Variants in COL25A1 observed in about 807,000 individuals in gnomAD.
The protein encoded by COL25A1 is collagen type XXV alpha 1 chain.
COL25A1 carries 103 observed loss-of-function variants against 128.4 expected under a neutral mutation model. That is an observed-to-expected ratio of 0.80 (90% CI 0.68 to 0.94). The LOEUF (loss-of-function observed/expected upper bound fraction) is 0.94. Ranked by LOEUF, COL25A1 falls within the 40% of genes least tolerant of loss-of-function variation. The probability of loss-of-function intolerance (pLI) is 0.00; values close to 1 mark genes in which losing one functional copy is unlikely to be tolerated. For missense variants in COL25A1, 745 were observed against 840.0 expected (o/e 0.89, Z 1.40); for synonymous variants, 279 against 277.2 (o/e 1.01, Z -0.06).
intron 3 of COL25A1, among the ~76,000 whole-genome samples, chr4:109,188,377 G>T (rs899555440): frequency 6.6e-6 from 1 of 152,134 alleles, no homozygotes; most frequent in South Asian, 2.1e-4. Flanking sequence ...ACTGAGAGTA[G>T]ACCCAGGAAG....
intron 8 of COL25A1, among the ~76,000 whole-genome samples, chr4:108,953,324 T>C (rs1749678608): frequency 6.6e-6 from 1 of 152,168 alleles, no homozygotes; most frequent in South Asian, 2.1e-4. Context: ...AATTTTGTAG[T>C]TTTCTCAGGG....
chr4:108,984,281 A>G (rs1040667774), intron 6 of COL25A1, among the ~76,000 whole-genome samples: 2 of 152,212 alleles, frequency 1.3e-5, no homozygotes, highest in African/African-American at 4.8e-5. Context: ...AGCTAGACAC[A>G]AAGGTTCTCC....
At chr4:109,229,758 A>G (rs1779042392) in intron 3 of COL25A1, among the ~76,000 whole-genome samples, 1 of 152,162 alleles carries the variant, frequency 6.6e-6, no homozygotes, top group South Asian at 2.1e-4. Context: ...AACCCTCTGC[A>G]CATGTCTGAC....
intron 13 of COL25A1, among the ~76,000 whole-genome samples, chr4:108,912,962 T>C (rs1578746149): frequency 6.6e-6 from 1 of 152,182 alleles, no homozygotes; most frequent in African/African-American, 2.4e-5. Flanking sequence ...GATGGATTCA[T>C]AGTTGACACA....
At chr4:108,855,198 T>TTG (rs1553951529) in intron 24 of COL25A1, among the ~76,000 whole-genome samples, 1 of 148,402 alleles carries the variant, frequency 6.7e-6, no homozygotes, top group Non-Finnish European at 1.5e-5. Context: ...ACTGTTTTTT[T>TTG]TTTTTATTTT....
At chr4:108,824,370 G>T in intron 34 of COL25A1, 143 bp from the exon 35 acceptor site, 1 of 618,870 alleles carries the variant, frequency 1.6e-6, no homozygotes, top group Middle Eastern at 2.9e-4. Context: ...AGATAATAAA[G>T]CAGTGCTTAG....
chr4:108,956,795 A>C (rs7680818), intron 8 of COL25A1, among the ~76,000 whole-genome samples: 6,582 of 152,282 alleles, frequency 0.043, 370 homozygotes, highest in African/African-American at 0.13. Flanking sequence ...CTACATCTAT[A>C]TCTCAAATCT....
intron 32 of COL25A1, 89 bp downstream of exon 32, chr4:108,832,291 T>G: frequency 2.2e-6 from 2 of 903,922 alleles, no homozygotes; most frequent in Non-Finnish European, 3.5e-6. Flanking sequence ...CCTTTATTTC[T>G]TCTGAAAAAT....
At chr4:109,224,078 T>C (rs1357052614) in intron 3 of COL25A1, among the ~76,000 whole-genome samples, 1 of 152,254 alleles carries the variant, frequency 6.6e-6, no homozygotes, top group Non-Finnish European at 1.5e-5. Flanking sequence ...TGTTTTTTAA[T>C]ATCCTCAATG....
At chr4:109,155,226 T>C (rs911777428) in intron 3 of COL25A1, among the ~76,000 whole-genome samples, 1 of 152,196 alleles carries the variant, frequency 6.6e-6, no homozygotes, top group African/African-American at 2.4e-5. Flanking sequence ...TTCCTCTCCT[T>C]CTTCTACAAG....
intron 3 of COL25A1, among the ~76,000 whole-genome samples, chr4:109,063,564 C>A (rs1373862975): frequency 6.6e-6 from 1 of 151,708 alleles, no homozygotes; most frequent in Non-Finnish European, 1.5e-5. Context: ...GGTACAGCCC[C>A]AGTGCAGTGG....
At chr4:109,241,566 G>T (rs1355835880) in intron 3 of COL25A1, among the ~76,000 whole-genome samples, 1 of 151,606 alleles carries the variant, frequency 6.6e-6, no homozygotes, top group East Asian at 1.9e-4. Flanking sequence ...CCACTTAATG[G>T]GGGAACTGTG....
At chr4:108,874,553 AT>A in intron 19 of COL25A1, among the ~76,000 whole-genome samples, 1 of 152,312 alleles carries the variant, frequency 6.6e-6, no homozygotes, top group African/African-American at 2.4e-5. Flanking sequence ...TAGAAATAAC[AT>A]GGGAACATAA....
At chr4:108,988,539 A>G (rs2126008972) in intron 6 of COL25A1, among the ~76,000 whole-genome samples, 1 of 152,310 alleles carries the variant, frequency 6.6e-6, no homozygotes, top group African/African-American at 2.4e-5. Context: ...TCTCCTGGAG[A>G]GGAAATGAAC....
intron 3 of COL25A1, among the ~76,000 whole-genome samples, chr4:109,106,734 C>A (rs1766469005): frequency 7.4e-6 from 1 of 135,728 alleles, no homozygotes; most frequent in Non-Finnish European, 1.5e-5. Flanking sequence ...GGACTATATG[C>A]ATGTGTAATT....
chr4:109,250,656 T>C (rs1208314331), intron 3 of COL25A1, among the ~76,000 whole-genome samples: 2 of 152,204 alleles, frequency 1.3e-5, no homozygotes, highest in African/African-American at 4.8e-5. Flanking sequence ...TTTTGTTCTA[T>C]TCAGGCCTTT....
At chr4:109,127,660 G>A (rs1768752414) in intron 3 of COL25A1, among the ~76,000 whole-genome samples, 1 of 151,868 alleles carries the variant, frequency 6.6e-6, no homozygotes, top group African/African-American at 2.4e-5. Context: ...TAGATTCCAC[G>A]TTAGTAAAGG....
chr4:109,288,962 T>TATATAC (rs1021982305), intron 3 of COL25A1, among the ~76,000 whole-genome samples: 262 of 133,602 alleles, frequency 2.0e-3, no homozygotes, highest in African/African-American at 6.8e-3. Flanking sequence ...AAATTATATA[T>TATATAC]ACACACACAC....
rs181883655 is a variant in COL25A1 at position 108,834,172 on chromosome 4, T to C, written c.1657-1739A>G. ...CAGTTTAGCTGTTCTCCGGACAGAG[T>C]TGCAACCGTCCTCTGTCCACCTTTC... On this transcript the variant is annotated intron_variant, in intron 31 of 37. Coordinates refer to ENST00000399132, the MANE Select transcript of COL25A1 (RefSeq NM_198721.4). 7.3e-4 allele frequency among the ~76,000 whole-genome samples: 111 copies of C among 152,210 alleles called. 3 individuals are homozygous for C. In the East Asian group the frequency reaches 0.019, roughly 26 times the overall value.
Sources: allele counts gnomAD v4.1 joint callset (sites outside exome capture counted in the v4.1 genomes callset), GRCh38; gene constraint gnomAD v4.1.1; transcripts MANE v1.5; gene names NCBI Gene and HGNC (gene_info 2026-07-23, HGNC 2026-07-21).